The following TGFBR2 variants were observed in gnomAD, a reference collection of about 807,000 sequenced individuals.
TGFBR2 encodes TGF-beta receptor type-2.
A neutral mutation model predicts 49.0 loss-of-function variants in TGFBR2; 18 were observed. The ratio of observed to expected loss-of-function variants is 0.37; its 90% confidence interval spans 0.25 to 0.54. The LOEUF (loss-of-function observed/expected upper bound fraction) is 0.54. Ranked by LOEUF, TGFBR2 falls within the 20% of genes least tolerant of loss-of-function variation. The pLI, the probability that TGFBR2 is intolerant of heterozygous loss-of-function variation, is 0.85. For synonymous variants in TGFBR2, 282 were observed against 275.9 expected (o/e 1.02, Z -0.22); for missense variants, 525 against 722.6 (o/e 0.73, Z 3.13).
chr3:30,636,831 A>G (rs1018555849), intron 1 of TGFBR2, among the ~76,000 whole-genome samples: 9 of 151,838 alleles, frequency 5.9e-5, no homozygotes, highest in South Asian at 4.1e-4. Flanking sequence ...TTGGGAGGCC[A>G]AGGTGGGCAG....
At position 30,688,400 on chromosome 3, in the gene TGFBR2, G is replaced by A. The variant is rs2125451637; in HGVS notation, c.1413G>A (p.Glu471=). 1 of 1,614,214 alleles carries A rather than the reference G, an allele frequency of 6.2e-7. No homozygotes were observed. The highest frequency in any genetic ancestry group is 8.5e-7 in the Non-Finnish European group (1 of 1,180,018). The part of the protein sequence containing the change: ...CNAVGEVKDY[E]PPFGSKVREH... ...TCTTCACAGAAGTAAAAGATTATGAGCCTCCATTTGGTTCCAAGGTGCGGG... is the reference window on the plus strand; with the variant it reads ...TCTTCACAGAAGTAAAAGATTATGAACCTCCATTTGGTTCCAAGGTGCGGG... The change falls in exon 6 of 7, where the codon GAG becomes GAA. Residue 471 remains glutamate, a synonymous_variant. Coordinates refer to ENST00000295754, the MANE Select transcript of TGFBR2 (RefSeq NM_003242.6).
intron 3 of TGFBR2, among the ~76,000 whole-genome samples, chr3:30,659,914 A>G (rs1699087347): frequency 6.6e-6 from 1 of 151,952 alleles, no homozygotes; most frequent in African/African-American, 2.4e-5. Flanking sequence ...GAGGTGGCTA[A>G]CCACTGTGAA....
chr3:30,691,120 G>A (rs1299357298), intron 6 of TGFBR2, among the ~76,000 whole-genome samples: 1 of 152,166 alleles, frequency 6.6e-6, no homozygotes, highest in Non-Finnish European at 1.5e-5. Context: ...GAGTGTTAGT[G>A]TACCCCAGAA....
intron 1 of TGFBR2, among the ~76,000 whole-genome samples, chr3:30,640,814 G>C (rs1014328605): frequency 6.6e-6 from 1 of 152,176 alleles, no homozygotes; most frequent in African/African-American, 2.4e-5. Flanking sequence ...TTGAAGTTGG[G>C]TTAGGGTTTG....
intron 1 of TGFBR2, among the ~76,000 whole-genome samples, chr3:30,609,618 G>A (rs1172968344): frequency 6.6e-6 from 1 of 152,132 alleles, no homozygotes; most frequent in Non-Finnish European, 1.5e-5. Flanking sequence ...AAACTGTAAA[G>A]TGCACAATAA....
rs1311222691 is a variant in TGFBR2 at position 30,694,127 on chromosome 3, A to G, written c.*2528A>G. 4.8e-5 allele frequency: 11 copies of G among 227,066 alleles called. No homozygotes were observed. Among genetic ancestry groups the G allele is most frequent in the Non-Finnish European group, 8.8e-5 (10 of 113,914 alleles). 14.1% of individuals were successfully genotyped at this position (227,066 alleles called of 1,614,324 possible). On this transcript the variant is annotated 3_prime_UTR_variant, in exon 7 of 7. Coordinates refer to ENST00000295754, the MANE Select transcript of TGFBR2 (RefSeq NM_003242.6). ...GGTGAGCATCCTGCCTCCTGTTCCCATTCCTAGTAGCTAAATCCATTTGCC... is the reference window on the plus strand; with the variant it reads ...GGTGAGCATCCTGCCTCCTGTTCCCGTTCCTAGTAGCTAAATCCATTTGCC...
chr3:30,667,434 ATTGT>A (rs1262249231), intron 3 of TGFBR2, among the ~76,000 whole-genome samples: 2 of 152,162 alleles, frequency 1.3e-5, no homozygotes, highest in African/African-American at 4.8e-5. Context: ...CCTGGTTGCT[ATTGT>A]TAGAGTTTTT....
chr3:30,672,864 C>T lies in TGFBR2; in HGVS notation c.1254+427C>T, dbSNP rs570305925. 6.6e-6 allele frequency among the ~76,000 whole-genome samples: 1 copy of T among 152,310 alleles called. No individual in the cohort carries two copies. The highest frequency in any genetic ancestry group is 2.1e-4 in the South Asian group (1 of 4,830). ...CGTGGAAGGCAATCTCCCTGAAGTCCAAATCTACATCCACATGGTCACCCA... is the reference window on the plus strand; with the variant it reads ...CGTGGAAGGCAATCTCCCTGAAGTCTAAATCTACATCCACATGGTCACCCA... On this transcript the variant is annotated intron_variant, in intron 4 of 6. Coordinates refer to ENST00000295754, the MANE Select transcript of TGFBR2 (RefSeq NM_003242.6). The surrounding 1 kb of genome is among the most constrained non-coding windows in gnomAD (Gnocchi z 4.5).
chr3:30,623,193 T>C (rs1282147289), intron 1 of TGFBR2: 3 of 1,441,900 alleles, frequency 2.1e-6, no homozygotes, highest in Non-Finnish European at 2.9e-6. Context: ...TTATCCTGTT[T>C]TACAGATGTG....
chr3:30,608,963 G>A (rs56121683), intron 1 of TGFBR2, among the ~76,000 whole-genome samples: 4,800 of 152,254 alleles, frequency 0.032, 274 homozygotes, highest in African/African-American at 0.11. Context: ...CCCTGATGTT[G>A]TTAGTTAGGT....
In TGFBR2 at chr3:30,614,145, G is replaced by C. The variant is rs112392540; in HGVS notation, c.94+7168G>C. 8.8e-3 allele frequency among the ~76,000 whole-genome samples: 974 copies of C among 111,090 alleles called. 19 individuals carry two copies. The highest frequency in any genetic ancestry group is 0.033 in the African/African-American group (924 of 28,400). 72.9% of individuals were successfully genotyped at this position (111,090 alleles called of 152,430 possible). On this transcript the variant is annotated intron_variant, in intron 1 of 6. Coordinates refer to ENST00000295754, the MANE Select transcript of TGFBR2 (RefSeq NM_003242.6). Reference sequence around the variant, plus strand: ...TTTTTTTTTTTTTTTAGATTTCCTAGTGCCCTAGTTGCATTTCTTCTGTGT... The same window carrying C: ...TTTTTTTTTTTTTTTAGATTTCCTACTGCCCTAGTTGCATTTCTTCTGTGT...
intron 1 of TGFBR2, among the ~76,000 whole-genome samples, chr3:30,636,987 C>G (rs1698547864): frequency 1.3e-5 from 2 of 150,906 alleles, no homozygotes; most frequent in South Asian, 4.2e-4. Flanking sequence ...TGGCGTGAAC[C>G]TGGGAGGCAG....
chr3:30,645,009 A>C, intron 2 of TGFBR2, 94 bp downstream of exon 2: 2 of 1,149,336 alleles, frequency 1.7e-6, no homozygotes, highest in Non-Finnish European at 2.6e-6. Context: ...CTGTCTCCTA[A>C]ATGTAAACAC....
At chr3:30,677,848 T>C (rs1469578259) in intron 5 of TGFBR2, among the ~76,000 whole-genome samples, 3 of 152,200 alleles carry the variant, frequency 2.0e-5, no homozygotes, top group Non-Finnish European at 4.4e-5. Flanking sequence ...CTCCCTTCTT[T>C]TTAAAAAACT....
Position 30,692,364 on chromosome 3 carries a change from ACT to A in TGFBR2, c.*768_*769del, listed in dbSNP as rs1275649625. On this transcript the variant is annotated 3_prime_UTR_variant, in exon 7 of 7. Transcript: ENST00000295754. Reference sequence around the variant, plus strand: ...AACTCTCCCTCAACCTAGTTTAGAAACTCTACCCCATCTTTAATACCTTGAAT... The same window carrying A: ...AACTCTCCCTCAACCTAGTTTAGAAACTACCCCATCTTTAATACCTTGAAT... 2 of 230,194 alleles carry A rather than the reference ACT, an allele frequency of 8.7e-6. No individual in the cohort carries two copies. Among genetic ancestry groups the A allele is most frequent in the African/African-American group, 2.2e-5 (1 of 45,006 alleles). The allele number at this position is 230,194 out of a possible 1,614,324, so 14.3% of individuals were successfully genotyped here. A position where few individuals can be genotyped will look rare whatever the true frequency, so the allele number is the denominator to read the frequency against.
chr3:30,647,477 A>G (rs1342580240), intron 2 of TGFBR2, among the ~76,000 whole-genome samples: 1 of 152,122 alleles, frequency 6.6e-6, no homozygotes, highest in Non-Finnish European at 1.5e-5. Flanking sequence ...GGCTATTGTA[A>G]AAATAGCCAG....
At chr3:30,607,012 C>CG (rs1332193058) in intron 1 of TGFBR2, 35 bp downstream of exon 1, 2 of 1,537,560 alleles carry the variant, frequency 1.3e-6, no homozygotes, top group Non-Finnish European at 1.8e-6. Flanking sequence ...GGCGGGGCGC[C>CG]GGGGGTCTTC....
At chr3:30,687,351 C>T (rs900358569) in intron 5 of TGFBR2, among the ~76,000 whole-genome samples, 6 of 152,110 alleles carry the variant, frequency 3.9e-5, no homozygotes, top group South Asian at 2.1e-4. Flanking sequence ...TCAGTGATAT[C>T]GTAAGGAGCC....
intron 3 of TGFBR2, among the ~76,000 whole-genome samples, chr3:30,662,426 G>C (rs1699149534): frequency 6.6e-6 from 1 of 152,214 alleles, no homozygotes; most frequent in Admixed American, 6.5e-5. Context: ...TGTGCCATGG[G>C]ATAGGAGAGG....
Sources: gnomAD v4.1 joint callset for allele counts (sites outside exome capture counted in the v4.1 genomes callset) on GRCh38, gnomAD v4.1.1 for gene constraint, Gnocchi (gnomAD v3.1) non-coding constraint, MANE v1.5 for transcripts, NCBI Gene and HGNC (gene_info 2026-07-23, HGNC 2026-07-21) for gene names.